ALMS1: variants seen among roughly 807,000 people sequenced by gnomAD.
ALMS1 encodes the protein ALMS1 centrosome and basal body associated protein, also known as centrosome-associated protein ALMS1.
ALMS1 carries 271 observed loss-of-function variants against 352.2 expected under a neutral mutation model. That is an observed-to-expected ratio of 0.77 (90% CI 0.70 to 0.85). The LOEUF (loss-of-function observed/expected upper bound fraction) is 0.85, where lower values mean the gene tolerates loss of function less well. Ranked by LOEUF, ALMS1 falls within the 40% of genes least tolerant of loss-of-function variation. ALMS1 has a pLI of 0.00. For missense variants in ALMS1, 5,445 were observed against 4,870.7 expected (o/e 1.12, Z -3.51); for synonymous variants, 1,865 against 1,761.2 (o/e 1.06, Z -1.48).
intron 7 of ALMS1, among the ~76,000 whole-genome samples, chr2:73,440,688 G>A (rs902068964): frequency 2.6e-5 from 4 of 152,260 alleles, no homozygotes; most frequent in African/African-American, 4.8e-5. Context: ...GCCTCCCAAA[G>A]TGCTGGGATT....
At chr2:73,443,966 G>GT (rs948862079) in intron 7 of ALMS1, among the ~76,000 whole-genome samples, 1 of 152,052 alleles carries the variant, frequency 6.6e-6, no homozygotes, top group Non-Finnish European at 1.5e-5. Context: ...CTTTCTTTAT[G>GT]TTTTTTGGTG....
At chr2:73,569,791 C>A (rs1674880914) in intron 15 of ALMS1, among the ~76,000 whole-genome samples, 1 of 152,160 alleles carries the variant, frequency 6.6e-6, no homozygotes, top group African/African-American at 2.4e-5. Context: ...AAGGCCAGCA[C>A]AACTATAGTA....
rs532234189 is a variant in ALMS1, at chr2:73,538,456, A to C, written c.9907+3507A>C. Among the ~76,000 whole-genome samples, 7 of 152,284 alleles carry C rather than the reference A, an allele frequency of 4.6e-5. No homozygotes were observed. In the South Asian group the frequency reaches 1.5e-3, roughly 32 times the overall value. ...GCTCCAGTCTGCAGCTCCCAGTGTG[A>C]GCGATGCAGAAAACGAATGATTTCT... is the stretch of plus-strand genomic sequence containing the variant. On this transcript the variant is annotated intron_variant, in intron 12 of 22. Coordinates refer to ENST00000613296, the MANE Select transcript of ALMS1 (RefSeq NM_001378454.1).
At chr2:73,606,018 G>C (rs1238768491) in intron 21 of ALMS1, among the ~76,000 whole-genome samples, 2 of 152,042 alleles carry the variant, frequency 1.3e-5, no homozygotes, top group Non-Finnish European at 2.9e-5. Context: ...GAGCAGGTTG[G>C]GACAGCAGAC....
At chr2:73,589,714 C>A (rs549794606) in intron 16 of ALMS1, among the ~76,000 whole-genome samples, 202 of 152,258 alleles carry the variant, frequency 1.3e-3, no homozygotes, top group Non-Finnish European at 2.5e-3. Context: ...ACATAATGCT[C>A]CATGGAGTGC....
Position 73,449,210 on chromosome 2 carries a change from G to A in ALMS1, c.2683G>A (p.Asp895Asn), listed in dbSNP as rs756206965. ...LKVSIVPGPG[D>N]QKTGIPSAPS... ...AGTATCAATTGTTCCTGGACCAGGT[G>A]ATCAGAAGACTGGGATACCCTCAGC... Residue 895 changes from aspartate to asparagine, a missense_variant, in exon 8 of 23, where the codon GAT becomes AAT. By Grantham distance (23) the Asp-to-Asn change is conservative. Coordinates refer to ENST00000613296, the MANE Select transcript of ALMS1 (RefSeq NM_001378454.1). The A allele has an allele frequency of 3.7e-6, 6 of 1,614,006 alleles. No homozygotes were observed. The highest frequency in any genetic ancestry group is 1.3e-5 in the African/African-American group (1 of 75,030).
At chr2:73,532,774 C>T (rs1429757055) in intron 11 of ALMS1, among the ~76,000 whole-genome samples, 1 of 152,134 alleles carries the variant, frequency 6.6e-6, no homozygotes, top group Non-Finnish European at 1.5e-5. Context: ...ATTTAATCTT[C>T]CCTCTCCTTT....
intron 2 of ALMS1, 92 bp from the exon 3 acceptor site, chr2:73,419,031 T>C (rs1213974226): frequency 7.6e-6 from 8 of 1,053,960 alleles, no homozygotes; most frequent in African/African-American, 4.7e-5. Flanking sequence ...TAGGAAGCTA[T>C]ATAATACATG....
At chr2:73,500,311 G>A (rs1673194146) in intron 10 of ALMS1, among the ~76,000 whole-genome samples, 1 of 152,206 alleles carries the variant, frequency 6.6e-6, no homozygotes, top group South Asian at 2.1e-4. Flanking sequence ...TTGCAGTGCT[G>A]TTCACATCTG....
chr2:73,609,550 C>G lies in ALMS1; in HGVS notation c.12463-18C>G. On this transcript the variant is annotated intron_variant, in intron 22 of 22. Transcript: ENST00000613296. The stretch of plus-strand genomic sequence containing the variant: ...CAGTAATATCTAACTTCTTTCCTGC[C>G]TTTCTTTTCTTCTACAGAGAGTGAC... 1 of 1,613,914 alleles carries G rather than the reference C, an allele frequency of 6.2e-7. No homozygotes were observed. Among genetic ancestry groups the G allele is most frequent in the Non-Finnish European group, 8.5e-7 (1 of 1,179,818 alleles).
intron 3 of ALMS1, 43 bp downstream of exon 3, chr2:73,419,361 G>A: frequency 1.3e-6 from 2 of 1,591,172 alleles, no homozygotes; most frequent in Non-Finnish European, 1.7e-6. Context: ...CCTCACATTT[G>A]TAAGTTTTGC....
chr2:73,412,556 G>A (rs1051687426), intron 2 of ALMS1, among the ~76,000 whole-genome samples: 14 of 152,246 alleles, frequency 9.2e-5, no homozygotes, highest in African/African-American at 3.4e-4. Flanking sequence ...TTGGGAGGCC[G>A]AAGTGGGTGG....
chr2:73,573,731 T>C (rs1674993987), intron 16 of ALMS1, among the ~76,000 whole-genome samples: 1 of 146,994 alleles, frequency 6.8e-6, no homozygotes, highest in Non-Finnish European at 1.5e-5. Flanking sequence ...CTGAACAATA[T>C]TGCTGGGTTT....
chr2:73,576,464 ACT>A (rs1252627502), intron 16 of ALMS1, among the ~76,000 whole-genome samples: 4 of 151,378 alleles, frequency 2.6e-5, no homozygotes, highest in East Asian at 3.9e-4. Context: ...GAATTTATTA[ACT>A]CTTTTTTTGT....
At chr2:73,516,285 T>TA (rs542595732) in intron 10 of ALMS1, among the ~76,000 whole-genome samples, 146 of 151,744 alleles carry the variant, frequency 9.6e-4, no homozygotes, top group Non-Finnish European at 1.4e-3. Flanking sequence ...TAATAAAAAG[T>TA]AAAAAAAATA....
At chr2:73,520,219 A>G (rs1218364247) in intron 11 of ALMS1, among the ~76,000 whole-genome samples, 1 of 152,236 alleles carries the variant, frequency 6.6e-6, no homozygotes, top group Non-Finnish European at 1.5e-5. Context: ...AAGCACAGTT[A>G]ACATGTAGAA....
intron 16 of ALMS1, among the ~76,000 whole-genome samples, chr2:73,593,173 A>T (rs1039374627): frequency 6.6e-6 from 1 of 151,306 alleles, no homozygotes; most frequent in African/African-American, 2.4e-5. Flanking sequence ...TACTGACCGC[A>T]TATATAAATG....
intron 1 of ALMS1, among the ~76,000 whole-genome samples, chr2:73,400,727 G>GT (rs1670856913): frequency 6.6e-6 from 1 of 152,106 alleles, no homozygotes; most frequent in Admixed American, 6.6e-5. Flanking sequence ...GCATAGAGTT[G>GT]TTTATAGTGT....
rs372116790 is a variant in ALMS1, at chr2:73,452,586, C to T, written c.6059C>T (p.Ser2020Leu). The T allele has an allele frequency of 1.4e-5, 22 of 1,613,978 alleles. No individual in the cohort carries two copies. Among genetic ancestry groups the T allele is most frequent in the Middle Eastern group, 3.3e-4 (2 of 6,084 alleles). ...EFPAATLSSYSQIEKPKISTV... is the reference protein window; with the variant it reads ...EFPAATLSSYLQIEKPKISTV... ...CCAGCAGCTACCCTTAGTTCCTACT[C>T]ACAAATAGAGAAGCCCAAGATTTCA... Residue 2020 changes from serine (S) to leucine (L), a missense_variant, in exon 8 of 23, where the codon TCA becomes TTA. Ser to Leu is a moderately radical substitution (Grantham distance 145, BLOSUM62 -2). Coordinates refer to ENST00000613296, the MANE Select transcript of ALMS1 (RefSeq NM_001378454.1).
Sources: gnomAD v4.1 joint callset for allele counts (sites outside exome capture counted in the v4.1 genomes callset) on GRCh38, gnomAD v4.1.1 for gene constraint, MANE v1.5 for transcripts, NCBI Gene and HGNC (gene_info 2026-07-23, HGNC 2026-07-21) for gene names.